The following C14orf39 variants were observed in gnomAD, a reference collection of about 807,000 sequenced individuals.
C14orf39 encodes chromosome 14 open reading frame 39.
Under a neutral mutation model 85.6 loss-of-function variants are expected in C14orf39, and 66 were observed. The ratio of observed to expected loss-of-function variants is 0.77; its 90% CI spans 0.63 to 0.95. The LOEUF (loss-of-function observed/expected upper bound fraction) is 0.95, where lower values mean the gene tolerates loss of function less well. C14orf39 is among the 40% of genes least tolerant of loss of function. C14orf39 has a pLI of 0.00. For missense variants in C14orf39, 735 were observed against 663.9 expected (o/e 1.11, Z -1.18); for synonymous variants, 242 against 214.0 (o/e 1.13, Z -1.14).
chr14:60,511,159 G>C, intron 1 of C14orf39: 1 of 1,612,962 alleles, frequency 6.2e-7, no homozygotes, highest in Non-Finnish European at 8.5e-7. Flanking sequence ...CAGAGGTGCT[G>C]GGCGTCGCCA....
chr14:60,475,588 A>G (rs1186921091), intron 5 of C14orf39, among the ~76,000 whole-genome samples: 1 of 152,144 alleles, frequency 6.6e-6, no homozygotes, highest in Non-Finnish European at 1.5e-5. Context: ...GTTTTATTAG[A>G]GCATAGCTCA....
intron 8 of C14orf39, 127 bp downstream of exon 8, chr14:60,469,401 GTAATC>G (rs952258624): frequency 1.8e-5 from 5 of 281,816 alleles, no homozygotes; most frequent in Non-Finnish European, 3.4e-5. Context: ...GGCTCCAAAG[GTAATC>G]TAAATTATCT....
chr14:60,436,809 A>C lies in C14orf39; in HGVS notation c.*36T>G, dbSNP rs574656472. 103 of 1,438,066 alleles carry C rather than the reference A, an allele frequency of 7.2e-5. No individual in the cohort carries two copies. In the East Asian group the frequency reaches 2.3e-3, roughly 33 times the overall value. The allele number at this position is 1,438,066 out of a possible 1,614,324, so 89.1% of individuals were successfully genotyped here. ...TGTAAATTTATGCCCTCATGAACAC[A>C]GAACAGTAAAATAATTTAAGGAATT... On this transcript the variant is annotated 3_prime_UTR_variant, in exon 18 of 18. Transcript: ENST00000321731.
chr14:60,455,218 A>G, intron 15 of C14orf39, 73 bp from the exon 16 acceptor site: 1 of 1,080,420 alleles, frequency 9.3e-7, no homozygotes, highest in Non-Finnish European at 1.3e-6. Flanking sequence ...CATCATAAGC[A>G]ACAGCATAGA....
chr14:60,483,382 A>G (rs891887585), intron 4 of C14orf39, among the ~76,000 whole-genome samples: 1 of 152,206 alleles, frequency 6.6e-6, no homozygotes, highest in African/African-American at 2.4e-5. Flanking sequence ...CTCACACAAA[A>G]ATAAGATCTT....
upstream of C14orf39, among the ~76,000 whole-genome samples, chr14:60,489,468 A>G (rs2140173609): frequency 1.3e-5 from 2 of 152,378 alleles, no homozygotes; most frequent in Admixed American, 1.3e-4. Context: ...AATGCCCAGC[A>G]CATAGTATAT....
intron 1 of C14orf39, among the ~76,000 whole-genome samples, chr14:60,514,791 G>A (rs75823917): frequency 0.027 from 4,077 of 152,326 alleles, 75 homozygotes; most frequent in Middle Eastern, 0.044. Context: ...CGGGAGGAGA[G>A]GAGAAGCAGC....
chr14:60,458,684 A>G lies in C14orf39; in HGVS notation c.1173T>C (p.Thr391=). The part of the protein sequence containing the change: ...TVRQVRESKC[T]SQAIYTEHFG... Reference sequence around the variant, plus strand: ...GATCAAACATTTGACTTACTTGTGAAGTACATTTTGATTCTCTTACTTGTC... The same window carrying G: ...GATCAAACATTTGACTTACTTGTGAGGTACATTTTGATTCTCTTACTTGTC... Residue 391 remains threonine (T), a synonymous_variant, in exon 14 of 18, where the codon ACT becomes ACC. Coordinates refer to ENST00000321731, the MANE Select transcript of C14orf39 (RefSeq NM_174978.3). The G allele has an allele frequency of 6.3e-7, 1 of 1,599,502 alleles. No individual in the cohort carries two copies. Among genetic ancestry groups the G allele is most frequent in the Non-Finnish European group, 8.5e-7 (1 of 1,171,454 alleles).
chr14:60,436,784 T>A lies in C14orf39; in HGVS notation c.*61A>T, dbSNP rs1890268043. On this transcript the variant is annotated 3_prime_UTR_variant, in exon 18 of 18. Transcript: ENST00000321731. ...GCAGTCTTCATGTTTTAAGCAATAA[T>A]GTAAATTTATGCCCTCATGAACACA... The A allele has an allele frequency of 1.3e-5, 14 of 1,090,274 alleles. No homozygotes were observed. Among genetic ancestry groups the A allele is most frequent in the Non-Finnish European group, 1.9e-5 (14 of 736,928 alleles). The allele number at this position is 1,090,274 out of a possible 1,614,324, so 67.5% of individuals were successfully genotyped here.
At chr14:60,465,860 AC>A (rs1555356998) in intron 11 of C14orf39, 118 bp downstream of exon 11, 1 of 4,574 alleles carries the variant, frequency 2.2e-4, no homozygotes, top group South Asian at 1.1e-3. Context: ...TAACACACAC[AC>A]ACACACACAC....
intron 5 of C14orf39, 141 bp from the exon 6 acceptor site, chr14:60,471,880 T>A (rs182951164): frequency 4.8e-5 from 26 of 543,734 alleles, no homozygotes; most frequent in Non-Finnish European, 7.3e-5. Flanking sequence ...GTCTGCCCTT[T>A]AGACTTTCCT....
intron 2 of C14orf39, among the ~76,000 whole-genome samples, chr14:60,497,606 T>G (rs1893086410): frequency 1.3e-5 from 2 of 152,230 alleles, no homozygotes; most frequent in South Asian, 4.1e-4. Flanking sequence ...TGGGACACAG[T>G]GGCTCACACC....
chr14:60,457,396 T>C (rs1891329519), intron 14 of C14orf39, among the ~76,000 whole-genome samples: 1 of 152,008 alleles, frequency 6.6e-6, no homozygotes, highest in Non-Finnish European at 1.5e-5. Context: ...GAATGATTTT[T>C]CTTTTAAAAT....
intron 9 of C14orf39, among the ~76,000 whole-genome samples, 153 bp downstream of exon 9, chr14:60,468,292 A>ATAC (rs1317966380): frequency 1.6e-5 from 2 of 124,658 alleles, no homozygotes; most frequent in African/African-American, 5.5e-5. Context: ...ATATTTAATA[A>ATAC]TATTTTTCAT....
At chr14:60,505,424 G>A (rs1387842107) in intron 1 of C14orf39, among the ~76,000 whole-genome samples, 2 of 152,194 alleles carry the variant, frequency 1.3e-5, no homozygotes, top group Admixed American at 1.3e-4. Context: ...TTTTAATAGT[G>A]TAATTTCAAA....
intron 16 of C14orf39, among the ~76,000 whole-genome samples, chr14:60,446,010 C>A (rs946898560): frequency 6.6e-6 from 1 of 152,070 alleles, no homozygotes; most frequent in Non-Finnish European, 1.5e-5. Flanking sequence ...TTCTTTGAAA[C>A]CAATGAGAAC....
intron 16 of C14orf39, among the ~76,000 whole-genome samples, chr14:60,450,172 G>T (rs1595448224): frequency 1.3e-5 from 2 of 152,312 alleles, no homozygotes; most frequent in Admixed American, 6.5e-5. Context: ...ATTTTATCTT[G>T]CACACTAGGT....
intron 15 of C14orf39, among the ~76,000 whole-genome samples, chr14:60,455,516 C>T (rs1891230982): frequency 3.9e-5 from 6 of 152,024 alleles, no homozygotes. Flanking sequence ...AGCTCTTAAC[C>T]TTGACACTAT....
At chr14:60,440,161 A>C (rs1890441230) in intron 17 of C14orf39, among the ~76,000 whole-genome samples, 1 of 152,248 alleles carries the variant, frequency 6.6e-6, no homozygotes, top group African/African-American at 2.4e-5. Context: ...CTGATCTCAT[A>C]GCATTAAATA....
Sources: allele counts gnomAD v4.1 joint callset (sites outside exome capture counted in the v4.1 genomes callset), GRCh38; gene constraint gnomAD v4.1.1; transcripts MANE v1.5; gene names NCBI Gene and HGNC (gene_info 2026-07-23, HGNC 2026-07-21).